ITGAE: variants seen among roughly 807,000 people sequenced by gnomAD.
ITGAE encodes integrin subunit alpha E.
Under a neutral mutation model 136.5 loss-of-function variants are expected in ITGAE, and 99 were observed. That is an observed-to-expected ratio of 0.73 (90% confidence interval 0.62 to 0.86). ITGAE has a LOEUF of 0.86. Among genes scored for constraint, ITGAE ranks in the 40% least tolerant of loss-of-function variants. The probability of loss-of-function intolerance (pLI) is 0.00; values close to 1 mark genes in which losing one functional copy is unlikely to be tolerated. For synonymous variants in ITGAE, 613 were observed against 591.8 expected, an observed-to-expected ratio of 1.04 and a Z score of -0.52; for missense variants, 1,447 against 1,515.3, an observed-to-expected ratio of 0.95 and a Z score of 0.75.
intron 1 of ITGAE, chr17:3,784,250 A>G: frequency 3.1e-6 from 1 of 326,886 alleles, no homozygotes; most frequent in Admixed American, 4.7e-5. Flanking sequence ...ACAGAGCAAG[A>G]CTCCATCTCA....
rs2053096149 is a variant in ITGAE at position 3,796,170 on chromosome 17, C to CGTGTGTGTGTGTTTGTGCATCCGTGTGT, written c.34+4940_34+4941insACACACGGATGCACAAACACACACACAC. ...ATCCGTGTGTGTGTGTGTGTGCATC[C>CGTGTGTGTGTGTTTGTGCATCCGTGTGT]GTGTGTGTGTGTGTGTGTGTGTGGT... is the stretch of plus-strand genomic sequence containing the variant. On this transcript the variant is annotated intron_variant, in intron 1 of 30. Transcript: ENST00000263087. Among the ~76,000 whole-genome samples the CGTGTGTGTGTGTTTGTGCATCCGTGTGT allele has an allele frequency of 2.0e-4, 25 of 127,040 alleles. 1 individual carries two copies. The highest frequency in any genetic ancestry group is 6.5e-4 in the African/African-American group (22 of 33,716). 83.3% of individuals were successfully genotyped at this position (127,040 alleles called of 152,430 possible). A position where few individuals can be genotyped will look rare whatever the true frequency, so the allele number is the denominator to read the frequency against.
chr17:3,777,301 G>A (rs1199246132), intron 2 of ITGAE, among the ~76,000 whole-genome samples: 2 of 152,220 alleles, frequency 1.3e-5, no homozygotes, highest in Non-Finnish European at 2.9e-5. Flanking sequence ...CTGGGCAATG[G>A]AGCAGGGAGA....
intron 2 of ITGAE, among the ~76,000 whole-genome samples, chr17:3,770,405 C>G (rs770013319): frequency 6.6e-6 from 1 of 152,136 alleles, no homozygotes; most frequent in Non-Finnish European, 1.5e-5. Context: ...GCTGGGATTA[C>G]GGGTGTGAGC....
Position 3,751,755 on chromosome 17 carries a change from G to A in ITGAE, c.1788C>T (p.Ala596=), listed in dbSNP as rs761676378. The change falls in exon 15 of 31, where the codon GCC becomes GCT. Residue 596 remains alanine, a synonymous_variant. Transcript: ENST00000263087. Reference sequence around the variant, plus strand: ...CAAAACCTTCCAGGGGGGCCCCGATGGCCACATCTGTGAGCTTATCCTGAC... The same window carrying A: ...CAAAACCTTCCAGGGGGGCCCCGATAGCCACATCTGTGAGCTTATCCTGAC... ...DLSQDKLTDV[A]IGAPLEGFGA... 1 of 1,614,100 alleles carries A rather than the reference G, an allele frequency of 6.2e-7. No individual in the cohort carries two copies. Among genetic ancestry groups the A allele is most frequent in the South Asian group, 1.1e-5 (1 of 91,078 alleles).
rs559988007 is a variant in ITGAE at position 3,745,797 on chromosome 17, A to C, written c.2286T>G (p.Cys762Trp). 1 of 1,614,054 alleles carries C rather than the reference A, an allele frequency of 6.2e-7. No homozygotes were observed. The highest frequency in any genetic ancestry group is 1.1e-5 in the South Asian group (1 of 91,066). ...CTGTGGGCATGAGCAGGAGGTCCTC[A>C]CAAAGCTGGGATCCGCTGCTCCACT... ...LREWSSGSQL[C>W]EDLLLMPTEG... Residue 762 changes from cysteine to tryptophan, a missense_variant, in exon 18 of 31, where the codon TGT becomes TGG. Transcript: ENST00000263087.
chr17:3,747,356 C>T (rs1373345628), intron 17 of ITGAE, among the ~76,000 whole-genome samples: 4 of 151,826 alleles, frequency 2.6e-5, no homozygotes, highest in Non-Finnish European at 2.9e-5. Context: ...CTCGCTCTGT[C>T]ACCCAGCGTG....
intron 6 of ITGAE, 143 bp from the exon 7 acceptor site, chr17:3,760,430 CTTTTTTTTTTTTTTT>C: frequency 3.1e-5 from 2 of 64,026 alleles, no homozygotes; most frequent in Non-Finnish European, 5.6e-5. Flanking sequence ...AAGAGGGAAG[CTTTTTTTTTTTTTTT>C]TTTTTTTTTT....
chr17:3,721,572 T>A (rs1056522140), intron 28 of ITGAE: 2 of 151,982 alleles, frequency 1.3e-5, no homozygotes, highest in African/African-American at 4.8e-5. Context: ...GCCACCACAC[T>A]CACAATTCTT....
chr17:3,732,506 C>T, intron 21 of ITGAE, 40 bp from the exon 22 acceptor site: 1 of 1,526,312 alleles, frequency 6.6e-7, no homozygotes, highest in East Asian at 2.3e-5. Flanking sequence ...AAGAGCCAAA[C>T]AAAACAAAAC....
Position 3,714,835 on chromosome 17 carries a change from G to A in ITGAE, c.*12C>T. ...GGACTGGCTGATAGCCTCTCCCAGT[G>A]GATAGCAGGTCCTAATTCTCTTCTT... On this transcript the variant is annotated 3_prime_UTR_variant, in exon 31 of 31. Coordinates refer to ENST00000263087, the MANE Select transcript of ITGAE (RefSeq NM_002208.5). 1 of 1,534,248 alleles carries A rather than the reference G, an allele frequency of 6.5e-7. No individual in the cohort carries two copies.
At chr17:3,716,566 GAAA>G in intron 30 of ITGAE, 119 bp downstream of exon 30, 1 of 669,114 alleles carries the variant, frequency 1.5e-6, no homozygotes, top group Non-Finnish European at 2.7e-6. Context: ...TGAAGGAGGA[GAAA>G]AAAGTGGCCA....
chr17:3,748,177 T>A, intron 16 of ITGAE, 125 bp from the exon 17 acceptor site: 7 of 952,324 alleles, frequency 7.4e-6, no homozygotes, highest in Non-Finnish European at 1.1e-5. Context: ...GATCCCTGAG[T>A]CTCAGGGTAC....
chr17:3,776,983 C>T (rs11657934), intron 2 of ITGAE, among the ~76,000 whole-genome samples: 5,613 of 140,772 alleles, frequency 0.04, 164 homozygotes, highest in East Asian at 0.12. Context: ...TTTTTTGAGA[C>T]GGAGTCTCGC....
intron 11 of ITGAE, 60 bp from the exon 12 acceptor site, chr17:3,755,321 G>A: frequency 6.8e-7 from 1 of 1,464,932 alleles, no homozygotes; most frequent in African/African-American, 1.4e-5. Context: ...GGGCCACGGT[G>A]GCCGCGGGTC....
intron 1 of ITGAE, among the ~76,000 whole-genome samples, chr17:3,779,216 T>C (rs1019521907): frequency 4.6e-5 from 7 of 152,240 alleles, no homozygotes; most frequent in Admixed American, 1.3e-4. Flanking sequence ...AATTTGTGCA[T>C]GTCACTGTAT....
Position 3,755,035 on chromosome 17 carries a change from C to T in ITGAE, c.1384+82G>A, listed in dbSNP as rs1281784238. ...GCCCCGCCCTCGCCCACGTAGCCCT[C>T]AGGCCCCACCCTCGCCCAGGGAGCC... On this transcript the variant is annotated intron_variant, in intron 12 of 30. Coordinates refer to ENST00000263087, the MANE Select transcript of ITGAE (RefSeq NM_002208.5). 3 of 1,286,116 alleles carry T rather than the reference C, an allele frequency of 2.3e-6. No homozygotes were observed. In the East Asian group the frequency reaches 8.8e-5, roughly 38 times the overall value. The allele number at this position is 1,286,116 out of a possible 1,614,324, so 79.7% of individuals were successfully genotyped here.
intron 2 of ITGAE, among the ~76,000 whole-genome samples, chr17:3,772,146 C>G (rs2052439507): frequency 6.6e-6 from 1 of 152,178 alleles, no homozygotes; most frequent in Admixed American, 6.5e-5. Context: ...CCTTCCCGTT[C>G]CTTCTCATGC....
Position 3,760,218 on chromosome 17 carries a change from T to C in ITGAE, c.668A>G (p.Asp223Gly). ...GTTCCTCATCATGTTGGAGATGAAG[T>C]CTTTGGCTCTCTGAAAGTCTGGGGG... ...IDPPDFQRAK[D>G]FISNMMRNFY... Residue 223 changes from aspartate to glycine, a missense_variant, in exon 7 of 31, where the codon GAC becomes GGC. Asp to Gly is a moderately conservative substitution (Grantham distance 94). Transcript: ENST00000263087. The C allele has an allele frequency of 6.2e-7, 1 of 1,613,858 alleles. No homozygotes were observed.
At chr17:3,795,899 A>C (rs1286085326) in intron 1 of ITGAE, among the ~76,000 whole-genome samples, 1 of 119,908 alleles carries the variant, frequency 8.3e-6, no homozygotes, top group Non-Finnish European at 1.7e-5. Context: ...GTGTGTGTGC[A>C]TCTGTGTATG....
Sources: gnomAD v4.1 joint callset for allele counts (sites outside exome capture counted in the v4.1 genomes callset) on GRCh38, gnomAD v4.1.1 for gene constraint, MANE v1.5 for transcripts, NCBI Gene and HGNC (gene_info 2026-07-23, HGNC 2026-07-21) for gene names.